MPZL1: variants seen among roughly 807,000 people sequenced by gnomAD.
MPZL1 encodes myelin protein zero-like protein 1.
In MPZL1, 16 loss-of-function variants were observed where a neutral mutation model predicts 29.3. That is an observed-to-expected ratio of 0.55 (90% confidence interval 0.37 to 0.83). The LOEUF (loss-of-function observed/expected upper bound fraction) is 0.83, where lower values mean the gene tolerates loss of function less well. Ranked by LOEUF, MPZL1 falls within the 40% of genes least tolerant of loss-of-function variation. MPZL1 has a pLI of 0.00. For missense variants in MPZL1, 279 were observed against 332.9 expected, an observed-to-expected ratio of 0.84 and a Z score of 1.26; for synonymous variants, 143 against 132.0, an observed-to-expected ratio of 1.08 and a Z score of -0.57.
intron 1 of MPZL1, among the ~76,000 whole-genome samples, chr1:167,740,596 C>T (rs1335744141): frequency 2.0e-5 from 3 of 152,128 alleles, no homozygotes; most frequent in Non-Finnish European, 4.4e-5. Context: ...TGTATGACTT[C>T]GGCTTGGCTC....
chr1:167,783,242 T>C (rs948578803), intron 5 of MPZL1, among the ~76,000 whole-genome samples: 1 of 152,172 alleles, frequency 6.6e-6, no homozygotes, highest in African/African-American at 2.4e-5. Context: ...CTGGGGCTCT[T>C]CCAGCCAAGT....
chr1:167,740,134 T>C (rs1046448867), intron 1 of MPZL1, among the ~76,000 whole-genome samples: 1 of 152,202 alleles, frequency 6.6e-6, no homozygotes, highest in Non-Finnish European at 1.5e-5. Flanking sequence ...CCTTAAGCAT[T>C]TGTTGCTTTA....
In MPZL1 at chr1:167,772,494, TC is replaced by T. The variant is rs765862940; in HGVS notation, c.472+8del. 3 of 1,606,762 alleles carry T rather than the reference TC, an allele frequency of 1.9e-6. No individual in the cohort carries two copies. Among genetic ancestry groups the T allele is most frequent in the Admixed American group, 1.7e-5 (1 of 59,526 alleles). Reference sequence around the variant, plus strand: ...GCTCTATGTCGTAGAAAAAGGTACTTCCTTGAGTATTTTGGCAGTAATAATG... The same window carrying T: ...GCTCTATGTCGTAGAAAAAGGTACTTCTTGAGTATTTTGGCAGTAATAATG... On this transcript the variant is annotated splice_region_variant and intron_variant, in intron 3 of 5. Transcript: ENST00000359523.
Position 167,787,815 on chromosome 1 carries a change from T to C in MPZL1, c.709-5T>C. On this transcript the variant is annotated splice_polypyrimidine_tract_variant and splice_region_variant and intron_variant, in intron 5 of 5. Coordinates refer to ENST00000359523, the MANE Select transcript of MPZL1 (RefSeq NM_003953.6). ...TCCTCTAATCCTTCTGCTTCCCTTT[T>C]CCAGGGCCCAGTCATATATGCACAG... The C allele has an allele frequency of 4.4e-6, 7 of 1,607,734 alleles. No homozygotes were observed. The South Asian group carries it at 7.7e-5, about 18-fold the overall frequency.
At chr1:167,782,610 C>G (rs1474415695) in intron 5 of MPZL1, among the ~76,000 whole-genome samples, 2 of 152,174 alleles carry the variant, frequency 1.3e-5, no homozygotes, top group Non-Finnish European at 2.9e-5. Flanking sequence ...AATGGCCCCA[C>G]AAAGAGGTCC....
intron 1 of MPZL1, among the ~76,000 whole-genome samples, chr1:167,729,456 T>C (rs1294764383): frequency 1.3e-5 from 2 of 152,242 alleles, no homozygotes; most frequent in Non-Finnish European, 2.9e-5. Context: ...TTAGCTTCAA[T>C]GAGAACCTAG....
chr1:167,731,586 G>A (rs529888506), intron 1 of MPZL1, among the ~76,000 whole-genome samples: 5 of 151,990 alleles, frequency 3.3e-5, no homozygotes, highest in African/African-American at 7.2e-5. Context: ...ACAGGCAGCC[G>A]CCACCACACC....
In MPZL1 at chr1:167,772,608, C is replaced by T. The variant is rs191651100; in HGVS notation, c.472+120C>T. 65 of 845,108 alleles carry T rather than the reference C, an allele frequency of 7.7e-5. No homozygotes were observed. In the Admixed American group the frequency reaches 1.7e-3, roughly 22 times the overall value. The allele number at this position is 845,108 out of a possible 1,614,324, so 52.4% of individuals were successfully genotyped here. ...GGAGGATTTTTGCCATACAGTTGTG[C>T]TCCCTGTTGCCACGAACCTGTGGCT... On this transcript the variant is annotated intron_variant, in intron 3 of 5. Transcript: ENST00000359523.
At chr1:167,737,936 T>G (rs1660409800) in intron 1 of MPZL1, among the ~76,000 whole-genome samples, 1 of 152,124 alleles carries the variant, frequency 6.6e-6, no homozygotes, top group Non-Finnish European at 1.5e-5. Flanking sequence ...TTTGTTTGTT[T>G]GTTTGTTTTG....
At chr1:167,760,502 C>T (rs1660963820) in intron 1 of MPZL1, among the ~76,000 whole-genome samples, 1 of 152,060 alleles carries the variant, frequency 6.6e-6, no homozygotes. Context: ...CGCACCCGGC[C>T]CCTCTAGATA....
chr1:167,784,522 C>T (rs995728963), intron 5 of MPZL1, among the ~76,000 whole-genome samples: 1 of 152,082 alleles, frequency 6.6e-6, no homozygotes, highest in Non-Finnish European at 1.5e-5. Context: ...TCTGTGGATC[C>T]TCTTGAAGTC....
In MPZL1 at chr1:167,766,379, T is replaced by A. The variant is rs750910639; in HGVS notation, c.258+630T>A. On this transcript the variant is annotated intron_variant, in intron 2 of 5. Transcript: ENST00000359523. ...TGCTGGTTATTAAACATGAACTGAC[T>A]ATCTTGGTTCTGGTCTGTAAAATGG... Among the ~76,000 whole-genome samples, 24 of 152,206 alleles carry A rather than the reference T, an allele frequency of 1.6e-4. 1 individual carries two copies. Among genetic ancestry groups the A allele is most frequent in the Non-Finnish European group, 2.6e-4 (18 of 68,026 alleles).
At chr1:167,726,664 A>G (rs1490362568) in intron 1 of MPZL1, among the ~76,000 whole-genome samples, 2 of 152,220 alleles carry the variant, frequency 1.3e-5, no homozygotes, top group Non-Finnish European at 2.9e-5. Flanking sequence ...TTACTTATTT[A>G]CTAGTCAGGA....
At chr1:167,732,724 C>A (rs1415530698) in intron 1 of MPZL1, among the ~76,000 whole-genome samples, 1 of 152,216 alleles carries the variant, frequency 6.6e-6, no homozygotes, top group African/African-American at 2.4e-5. Context: ...TCAAGCAATT[C>A]TCTTGCCACA....
chr1:167,728,034 ATTT>A (rs35770520), intron 1 of MPZL1, among the ~76,000 whole-genome samples: 6,090 of 103,978 alleles, frequency 0.059, 447 homozygotes, highest in African/African-American at 0.2. Flanking sequence ...CGCCCAACTA[ATTT>A]TTTTTTTTTT....
intron 1 of MPZL1, among the ~76,000 whole-genome samples, chr1:167,726,200 A>G (rs1660143225): frequency 6.6e-6 from 1 of 152,090 alleles, no homozygotes; most frequent in South Asian, 2.1e-4. Flanking sequence ...TAGCCTTTGA[A>G]CTAGCTGTTC....
intron 1 of MPZL1, among the ~76,000 whole-genome samples, chr1:167,748,504 A>G (rs1352659784): frequency 6.6e-6 from 1 of 152,170 alleles, no homozygotes; most frequent in Non-Finnish European, 1.5e-5. Flanking sequence ...TGTTGATGGT[A>G]AGTGTTCTTT....
chr1:167,733,615 C>T (rs183872930), intron 1 of MPZL1, among the ~76,000 whole-genome samples: 3 of 152,068 alleles, frequency 2.0e-5, no homozygotes, highest in Admixed American at 6.6e-5. Context: ...CGTGATGATG[C>T]GTGCCTGTAA....
chr1:167,764,331 A>G (rs1277148921), intron 1 of MPZL1, among the ~76,000 whole-genome samples: 1 of 152,224 alleles, frequency 6.6e-6, no homozygotes, highest in African/African-American at 2.4e-5. Context: ...CAGATCTTGA[A>G]AAAAGAGCCA....
Sources: allele counts gnomAD v4.1 joint callset (sites outside exome capture counted in the v4.1 genomes callset), GRCh38; gene constraint gnomAD v4.1.1; transcripts MANE v1.5; gene names NCBI Gene and HGNC (gene_info 2026-07-23, HGNC 2026-07-21).